Variants in CLIC5 observed in about 807,000 individuals in gnomAD.
CLIC5 encodes the protein chloride intracellular channel protein 5.
Under a neutral mutation model 24.7 loss-of-function variants are expected in CLIC5, and 20 were observed. The ratio of observed to expected loss-of-function variants is 0.81; its 90% CI spans 0.57 to 1.18. The LOEUF is 1.18. CLIC5 is among the 50% of genes most tolerant of loss of function. The pLI is 0.00. For missense variants in CLIC5, 341 were observed against 326.1 expected, an observed-to-expected ratio of 1.05 and a Z score of -0.35; for synonymous variants, 159 against 135.6, an observed-to-expected ratio of 1.17 and a Z score of -1.20.
downstream of CLIC5, among the ~76,000 whole-genome samples, chr6:45,894,686 T>A (rs1316426658): frequency 6.6e-6 from 1 of 152,200 alleles, no homozygotes; most frequent in South Asian, 2.1e-4. Context: ...TAGTAGCACA[T>A]CAGAAGGGAA....
At chr6:45,975,614 T>C (rs1765358969) in intron 1 of CLIC5, among the ~76,000 whole-genome samples, 1 of 151,418 alleles carries the variant, frequency 6.6e-6, no homozygotes, top group South Asian at 2.1e-4. Context: ...TTTAAATATA[T>C]ATGTATATAG....
At chr6:46,002,670 G>T (rs1321689470) in intron 1 of CLIC5, among the ~76,000 whole-genome samples, 2 of 152,176 alleles carry the variant, frequency 1.3e-5, no homozygotes, top group African/African-American at 4.8e-5. Context: ...TTAAAAGGAC[G>T]TCTAAGAAAC....
downstream of CLIC5, chr6:45,880,935 TG>T (rs1413318295): frequency 2.3e-5 from 9 of 389,556 alleles, no homozygotes; most frequent in Admixed American, 1.8e-4. Context: ...GAGCTAGACA[TG>T]AACTGCTAGC....
the CLIC5 span, among the ~76,000 whole-genome samples, chr6:46,103,060 C>T: frequency 2.4e-4 from 36 of 148,322 alleles, no homozygotes; most frequent in East Asian, 7.2e-3. Flanking sequence ...GAGTTTCACT[C>T]AGCTTTTTTT....
chr6:45,975,532 G>A (rs1765356677), intron 1 of CLIC5, among the ~76,000 whole-genome samples: 1 of 152,112 alleles, frequency 6.6e-6, no homozygotes, highest in African/African-American at 2.4e-5. Context: ...GGAACCAGTG[G>A]TGCCCTCAGA....
chr6:45,918,887 A>C, intron 4 of CLIC5: 2 of 909,154 alleles, frequency 2.2e-6, no homozygotes, highest in Non-Finnish European at 2.6e-6. Flanking sequence ...GATGGAAAAT[A>C]TTATTCATCG....
chr6:45,994,604 G>A (rs1424596424), intron 1 of CLIC5, among the ~76,000 whole-genome samples: 2 of 152,020 alleles, frequency 1.3e-5, no homozygotes, highest in Admixed American at 1.3e-4. Context: ...TGTATCCCGG[G>A]ACTTAAAGTA....
chr6:46,033,377 T>C (rs1767567359), intron 1 of CLIC5, among the ~76,000 whole-genome samples: 1 of 152,186 alleles, frequency 6.6e-6, no homozygotes, highest in African/African-American at 2.4e-5. Flanking sequence ...GTAAAAATGG[T>C]TTCCTGTGTC....
chr6:45,987,976 A>C (rs754973524), intron 1 of CLIC5, among the ~76,000 whole-genome samples: 4 of 152,182 alleles, frequency 2.6e-5, no homozygotes, highest in Admixed American at 6.5e-5. Context: ...ATATGCATTT[A>C]TTCCACCCCA....
chr6:45,989,000 C>T (rs1186117155), intron 1 of CLIC5, among the ~76,000 whole-genome samples: 1 of 152,186 alleles, frequency 6.6e-6, no homozygotes, highest in Non-Finnish European at 1.5e-5. Flanking sequence ...CTCTCCCCTT[C>T]CCAGGTAGCA....
intron 1 of CLIC5, among the ~76,000 whole-genome samples, chr6:46,022,338 C>T: frequency 6.6e-6 from 1 of 152,336 alleles, no homozygotes; most frequent in Middle Eastern, 3.4e-3. Context: ...GTTGAGCCCA[C>T]TCACTATACC....
At chr6:45,959,176 T>G (rs1359476298) in intron 1 of CLIC5, among the ~76,000 whole-genome samples, 1 of 152,192 alleles carries the variant, frequency 6.6e-6, no homozygotes, top group East Asian at 1.9e-4. Context: ...GGAGATTTAT[T>G]TAAGACCGCG....
chr6:45,914,357 G>C lies in CLIC5; in HGVS notation c.459C>G (p.Asn153Lys). Residue 153 changes from asparagine to lysine, a missense_variant, in exon 5 of 6, where the codon AAC becomes AAG. Physicochemically the swap from Asn to Lys is moderately conservative, Grantham distance 94. Coordinates refer to ENST00000339561, the MANE Select transcript of CLIC5 (RefSeq NM_016929.5). ...CGTCAATCTCCTCTGGTAGAGGGGT[G>C]TTCAGGTAGTCATCCAATTTCTTTA... is the stretch of plus-strand genomic sequence containing the variant. Reference protein sequence around the residue: ...KALKKLDDYLNTPLPEEIDAN... With the variant: ...KALKKLDDYLKTPLPEEIDAN... The C allele has an allele frequency of 6.2e-7, 1 of 1,601,982 alleles. No individual in the cohort carries two copies. Among genetic ancestry groups the C allele is most frequent in the Non-Finnish European group, 8.5e-7 (1 of 1,171,068 alleles).
At chr6:45,954,408 A>G (rs1764574987) in intron 2 of CLIC5, among the ~76,000 whole-genome samples, 1 of 152,218 alleles carries the variant, frequency 6.6e-6, no homozygotes. Context: ...TCCAAGTGAA[A>G]CTATCTAGAT....
chr6:45,912,480 T>C (rs908386993), intron 5 of CLIC5: 60 of 1,303,108 alleles, frequency 4.6e-5, no homozygotes, highest in Non-Finnish European at 5.7e-5. Context: ...TGGTAGTGAA[T>C]ACATGTTTGA....
chr6:45,907,833 C>T (rs1762704315), intron 5 of CLIC5, among the ~76,000 whole-genome samples: 1 of 152,082 alleles, frequency 6.6e-6, no homozygotes, highest in South Asian at 2.1e-4. Flanking sequence ...GTAGGGTTTT[C>T]AAGAAATAGA....
Position 45,958,687 on chromosome 6 carries a change from T to C in CLIC5, c.64-3443A>G, listed in dbSNP as rs1764749455. Among the ~76,000 whole-genome samples, 3 of 151,764 alleles carry C rather than the reference T, an allele frequency of 2.0e-5. No individual in the cohort carries two copies. The South Asian group carries it at 6.2e-4, about 31-fold the overall frequency. On this transcript the variant is annotated intron_variant, in intron 1 of 5. Coordinates refer to ENST00000339561, the MANE Select transcript of CLIC5 (RefSeq NM_016929.5). ...GTATGATTGCACTTCATCTGTTATA[T>C]GCTGGATACTTCATATTATATGCTA...
chr6:46,030,639 C>T lies in CLIC5; in HGVS notation c.540+49064G>A, dbSNP rs116938995. Reference sequence around the variant, plus strand: ...CATCAGTCCACCTGACCTCCTGTGCCTTCAGGCTCTATAGATTCTGGGAAA... The same window carrying T: ...CATCAGTCCACCTGACCTCCTGTGCTTTCAGGCTCTATAGATTCTGGGAAA... On this transcript the variant is annotated intron_variant, in intron 1 of 5. Coordinates refer to the CLIC5 transcript ENST00000185206. Among the ~76,000 whole-genome samples, 40 of 152,318 alleles carry T rather than the reference C, an allele frequency of 2.6e-4. 1 individual carries two copies. The East Asian group carries it at 6.6e-3, about 25-fold the overall frequency.
intron 5 of CLIC5, among the ~76,000 whole-genome samples, chr6:45,904,663 T>TCCCTCTCTCCTTCCCTCCCTCCCTC (rs1762604570): frequency 7.6e-6 from 1 of 130,950 alleles, no homozygotes. Flanking sequence ...CTTCCCTCCC[T>TCCCTCTCTCCTTCCCTCCCTCCCTC]ACTCCCTTCC....
Sources: gnomAD v4.1 joint callset for allele counts (sites outside exome capture counted in the v4.1 genomes callset) on GRCh38, gnomAD v4.1.1 for gene constraint, MANE v1.5 for transcripts, NCBI Gene and HGNC (gene_info 2026-07-23, HGNC 2026-07-21) for gene names.